Variants in PDE10A observed in about 807,000 individuals in gnomAD.
The protein encoded by PDE10A is phosphodiesterase 10A.
Under a neutral mutation model 97.7 loss-of-function variants are expected in PDE10A, and 39 were observed. The observed-to-expected ratio is 0.40, with a 90% CI of 0.31 to 0.52. The LOEUF (loss-of-function observed/expected upper bound fraction) is 0.52. Among genes scored for constraint, PDE10A ranks in the 20% least tolerant of loss-of-function variants. The pLI, the probability that PDE10A is intolerant of heterozygous loss-of-function variation, is 0.56. For missense variants in PDE10A, 731 were observed against 1,047.8 expected, an observed-to-expected ratio of 0.70 and a Z score of 4.17; for synonymous variants, 371 against 376.8, an observed-to-expected ratio of 0.98 and a Z score of 0.18.
chr6:165,384,826 C>A (rs1055975586), intron 17 of PDE10A, among the ~76,000 whole-genome samples: 1 of 152,100 alleles, frequency 6.6e-6, no homozygotes, highest in Non-Finnish European at 1.5e-5. Context: ...CTCAGGTTGG[C>A]AAAACTATAA....
chr6:165,332,990 C>A lies in PDE10A; in HGVS notation c.*35G>T, dbSNP rs1466889785. 5.0e-6 allele frequency: 4 copies of A among 803,900 alleles called. No homozygotes were observed. The highest frequency in any genetic ancestry group is 4.0e-5 in the South Asian group (3 of 75,908). 49.8% of individuals were successfully genotyped at this position (803,900 alleles called of 1,614,324 possible). On this transcript the variant is annotated 3_prime_UTR_variant, in exon 22 of 22. Coordinates refer to ENST00000539869, the MANE Select transcript of PDE10A (RefSeq NM_001385079.1). ...AATGTCAAAGAAGCAAGATGAGGAT[C>A]TGTAGGTGGGACAGCGTGTCAGGGT...
At chr6:165,471,217 T>C (rs917474223) in intron 3 of PDE10A, among the ~76,000 whole-genome samples, 1 of 152,132 alleles carries the variant, frequency 6.6e-6, no homozygotes, top group African/African-American at 2.4e-5. Context: ...AAAAGAAACA[T>C]ATGCCCCTGA....
At chr6:165,846,793 G>A (rs1780431261) in intron 1 of PDE10A, among the ~76,000 whole-genome samples, 1 of 152,244 alleles carries the variant, frequency 6.6e-6, no homozygotes, top group Admixed American at 6.5e-5. Flanking sequence ...AGCCGAGCTA[G>A]CGTCCCTTCC....
At chr6:165,592,523 A>T (rs2128386349) in intron 1 of PDE10A, among the ~76,000 whole-genome samples, 1 of 152,350 alleles carries the variant, frequency 6.6e-6, no homozygotes, top group Non-Finnish European at 1.5e-5. Context: ...CAACCTACAG[A>T]ATGGGAGAAA....
chr6:165,625,051 A>T (rs1173307536), intron 1 of PDE10A, among the ~76,000 whole-genome samples: 1 of 152,234 alleles, frequency 6.6e-6, no homozygotes. Flanking sequence ...AAGTGCATGG[A>T]GAACAATGCA....
chr6:165,919,813 T>C (rs1782706815), intron 1 of PDE10A, among the ~76,000 whole-genome samples: 2 of 145,176 alleles, frequency 1.4e-5, no homozygotes, highest in East Asian at 4.0e-4. Flanking sequence ...CTGAACTTTA[T>C]TGTGCACATG....
chr6:165,584,167 C>T (rs1162582395), intron 1 of PDE10A, among the ~76,000 whole-genome samples: 3 of 152,164 alleles, frequency 2.0e-5, no homozygotes, highest in Non-Finnish European at 4.4e-5. Flanking sequence ...TGCCTGGCAG[C>T]CCTCATGGAG....
At chr6:165,403,150 A>G (rs970237561) in intron 13 of PDE10A, among the ~76,000 whole-genome samples, 1 of 152,188 alleles carries the variant, frequency 6.6e-6, no homozygotes, top group Non-Finnish European at 1.5e-5. Context: ...AGGCTAAGGA[A>G]AAGCACTGGC....
At position 165,733,365 on chromosome 6, in the gene PDE10A, GC is replaced by G. The variant is rs547666557; in HGVS notation, c.-614-189798del. 3.8e-3 allele frequency among the ~76,000 whole-genome samples: 582 copies of G among 152,304 alleles called. 2 individuals are homozygous for G. The highest frequency in any genetic ancestry group is 7.3e-3 in the South Asian group (35 of 4,820). ...GGGAAGCCCCTTCCTATTTCCTGCT[GC>G]CCTTGTGTAAACCAGTAATTTGTGG... is the stretch of plus-strand genomic sequence containing the variant. On this transcript the variant is annotated intron_variant, in intron 1 of 19. Coordinates refer to the PDE10A transcript ENST00000366882.
At chr6:165,753,613 T>C (rs1432581665) in intron 1 of PDE10A, among the ~76,000 whole-genome samples, 1 of 152,244 alleles carries the variant, frequency 6.6e-6, no homozygotes, top group Non-Finnish European at 1.5e-5. Flanking sequence ...TTTTAGGGTT[T>C]TTTTTCCCAC....
chr6:165,535,785 C>A lies in PDE10A; in HGVS notation c.994+7655G>T, dbSNP rs186255234. On this transcript the variant is annotated intron_variant, in intron 2 of 21. Coordinates refer to ENST00000539869, the MANE Select transcript of PDE10A (RefSeq NM_001385079.1). ...AACTTAAGCAAAGAAGTGAAAGATA[C>A]CTACAATTAAAACTATAAAACATTG... Among the ~76,000 whole-genome samples the A allele has an allele frequency of 1.2e-3, 187 of 151,226 alleles. 2 individuals carry two copies. Among genetic ancestry groups the A allele is most frequent in the Non-Finnish European group, 1.3e-4 (9 of 67,600 alleles).
At chr6:165,738,624 C>A (rs1792642322) in intron 1 of PDE10A, among the ~76,000 whole-genome samples, 1 of 151,794 alleles carries the variant, frequency 6.6e-6, no homozygotes. Context: ...TTTACAGTCC[C>A]ACTAACAGTG....
Position 165,543,435 on chromosome 6 carries a change from C to G in PDE10A, c.994+5G>C. ...GTTTAAAATGAGATCCACAAGAGAC[C>G]TTACCTTCTGATTTGTTGTTCTTCC... is the stretch of plus-strand genomic sequence containing the variant. On this transcript the variant is annotated splice_donor_5th_base_variant and intron_variant, in intron 2 of 21. Coordinates refer to ENST00000539869, the MANE Select transcript of PDE10A (RefSeq NM_001385079.1). The G allele has an allele frequency of 1.9e-6, 3 of 1,610,360 alleles. No homozygotes were observed. The South Asian group carries it at 3.3e-5, about 18-fold the overall frequency.
chr6:165,732,354 G>A (rs573915639), intron 1 of PDE10A, among the ~76,000 whole-genome samples: 1 of 152,336 alleles, frequency 6.6e-6, no homozygotes, highest in Non-Finnish European at 1.5e-5. Context: ...TGCCCTAGAG[G>A]TGGGGCAGAC....
At chr6:165,430,603 T>TAAC (rs369033440) in intron 8 of PDE10A, among the ~76,000 whole-genome samples, 27,276 of 152,104 alleles carry the variant, frequency 0.18, 2,827 homozygotes, top group East Asian at 0.27. Flanking sequence ...ATAATGGACT[T>TAAC]ATAAAGATGT....
intron 8 of PDE10A, 147 bp downstream of exon 8, chr6:165,431,275 A>C: frequency 2.1e-6 from 1 of 477,800 alleles, no homozygotes; most frequent in Non-Finnish European, 3.9e-6. Context: ...ATAACTGATT[A>C]AGTTAAAATT....
intron 3 of PDE10A, among the ~76,000 whole-genome samples, chr6:165,477,836 A>T (rs1187964098): frequency 6.6e-6 from 1 of 152,224 alleles, no homozygotes; most frequent in Non-Finnish European, 1.5e-5. Context: ...TGCAGCTAAA[A>T]TTCTAAAACA....
chr6:165,710,952 A>G (rs1364901227), intron 1 of PDE10A, among the ~76,000 whole-genome samples: 1 of 152,242 alleles, frequency 6.6e-6, no homozygotes, highest in Non-Finnish European at 1.5e-5. Context: ...AAGAGCCGTA[A>G]GAGAATGCCA....
rs767203975 is a variant in PDE10A at position 165,602,683 on chromosome 6, C to T, written c.866-59115G>A. Among the ~76,000 whole-genome samples, 276 of 152,088 alleles carry T rather than the reference C, an allele frequency of 1.8e-3. 1 individual carries two copies. Among genetic ancestry groups the T allele is most frequent in the Non-Finnish European group, 2.1e-3 (146 of 68,020 alleles). ...TGTATTATTTTCCATAAACAGGGCA[C>T]CCATATGATAAAAAGATCAAGTCCC... is the stretch of plus-strand genomic sequence containing the variant. On this transcript the variant is annotated intron_variant, in intron 1 of 21. Coordinates refer to ENST00000539869, the MANE Select transcript of PDE10A (RefSeq NM_001385079.1).
Sources: allele counts gnomAD v4.1 joint callset (sites outside exome capture counted in the v4.1 genomes callset), GRCh38; gene constraint gnomAD v4.1.1; transcripts MANE v1.5; gene names NCBI Gene and HGNC (gene_info 2026-07-23, HGNC 2026-07-21).